Variants in GNL2 observed in about 807,000 individuals in gnomAD.
The protein encoded by GNL2 is nucleolar GTP-binding protein 2.
A neutral mutation model predicts 92.3 loss-of-function variants in GNL2; 51 were observed. The observed-to-expected ratio is 0.55, with a 90% CI of 0.44 to 0.70. The LOEUF (loss-of-function observed/expected upper bound fraction) is 0.70, where lower values mean the gene tolerates loss of function less well. GNL2 is among the 30% of genes least tolerant of loss of function. The pLI, the probability that GNL2 is intolerant of heterozygous loss-of-function variation, is 0.00. For synonymous variants in GNL2, 283 were observed against 300.6 expected, an observed-to-expected ratio of 0.94 and a Z score of 0.61; for missense variants, 844 against 895.6, an observed-to-expected ratio of 0.94 and a Z score of 0.74.
chr1:37,592,656 G>C (rs1440626954), intron 3 of GNL2, 56 bp downstream of exon 3: 1 of 961,152 alleles, frequency 1.0e-6, no homozygotes, highest in Non-Finnish European at 1.7e-6. Flanking sequence ...AAACATCCTA[G>C]CCGTTTCCAC....
chr1:37,568,841 A>G lies in GNL2; in HGVS notation c.1868+10T>C, dbSNP rs1271197062. ...AAAATCTGCAATTTGTGAGAAGATG[A>G]AAATATTACCTGACTGCTGAAAACT... On this transcript the variant is annotated intron_variant, in intron 13 of 15. Transcript: ENST00000373062. The G allele has an allele frequency of 1.9e-6, 3 of 1,600,452 alleles. No homozygotes were observed. The highest frequency in any genetic ancestry group is 4.5e-5 in the East Asian group (2 of 44,782).
At position 37,574,791 on chromosome 1, in the gene GNL2, G is replaced by A. The variant is rs150057475; in HGVS notation, c.1176C>T (p.Asp392=). 309 of 1,613,198 alleles carry A rather than the reference G, an allele frequency of 1.9e-4. No individual in the cohort carries two copies. The highest frequency in any genetic ancestry group is 3.3e-4 in the Admixed American group (20 of 59,990). ...CTCGTTCAAGTACAGCACCAATGTG[G>A]TCTTCAGGACTCTTAATTTTTTCTA... The part of the protein sequence containing the change: ...VQVEKIKSPE[D]HIGAVLERAK... The change falls in exon 11 of 16, where the codon GAC becomes GAT. Residue 392 remains aspartate, a synonymous_variant. Coordinates refer to ENST00000373062, the MANE Select transcript of GNL2 (RefSeq NM_013285.3).
At chr1:37,569,434 A>G in intron 12 of GNL2, 132 bp from the exon 13 acceptor site, 2 of 621,600 alleles carry the variant, frequency 3.2e-6, no homozygotes, top group Non-Finnish European at 5.6e-6. Flanking sequence ...CCCAAATTTG[A>G]GTCATTTCAT....
At chr1:37,578,554 A>C (rs1352793518) in intron 8 of GNL2, among the ~76,000 whole-genome samples, 1 of 151,980 alleles carries the variant, frequency 6.6e-6, no homozygotes, top group Non-Finnish European at 1.5e-5. Flanking sequence ...CAGCTTTTTA[A>C]TGCCTTACTC....
intron 4 of GNL2, 109 bp from the exon 5 acceptor site, chr1:37,587,604 A>G: frequency 1.5e-6 from 1 of 652,710 alleles, no homozygotes; most frequent in Non-Finnish European, 2.6e-6. Context: ...TCCAAGGTTC[A>G]ACCCATACCC....
intron 7 of GNL2, 136 bp downstream of exon 7, chr1:37,582,642 G>T (rs1643788903): frequency 2.6e-6 from 2 of 757,762 alleles, no homozygotes; most frequent in Non-Finnish European, 4.2e-6. Context: ...CTATCAATGA[G>T]CACACTTTCG....
Position 37,592,756 on chromosome 1 carries a change from G to A in GNL2, c.200C>T (p.Ala67Val), listed in dbSNP as rs1214412567. 1.2e-6 allele frequency: 2 copies of A among 1,609,872 alleles called. No individual in the cohort carries two copies. The highest frequency in any genetic ancestry group is 1.7e-5 in the Admixed American group (1 of 60,010). Reference protein sequence around the residue: ...IKPLQYQSTVASGTVARVEPN... With the variant: ...IKPLQYQSTVVSGTVARVEPN... ...CTCTACTCTTGCCACTGTGCCAGAA[G>A]CCACCGTTGATTGATATTGCAGGGG... Residue 67 changes from alanine (A) to valine (V), a missense_variant, in exon 3 of 16, where the codon GCT (alanine) becomes GTT (valine). Physicochemically the swap from Ala to Val is moderately conservative, Grantham distance 64. Transcript: ENST00000373062.
chr1:37,582,680 T>C (rs985826526), intron 7 of GNL2, 98 bp downstream of exon 7: 36 of 1,033,124 alleles, frequency 3.5e-5, no homozygotes, highest in Non-Finnish European at 5.1e-5. Flanking sequence ...CTCCCATTAC[T>C]ACAATCTCAG....
Position 37,575,741 on chromosome 1 carries a change from T to C in GNL2, c.1039-42A>G, listed in dbSNP as rs1045126406. On this transcript the variant is annotated intron_variant, in intron 9 of 15. Transcript: ENST00000373062. This position sits in a 1 kb window ranked among gnomAD's most constrained non-coding sequence, Gnocchi z 4.1. ...GTCAGAGATGTCCTGTATCAAACAC[T>C]AAGAGTCTAATTTCACAAACCCCTG... is the stretch of plus-strand genomic sequence containing the variant. The C allele has an allele frequency of 2.2e-5, 27 of 1,242,918 alleles. No homozygotes were observed. Among genetic ancestry groups the C allele is most frequent in the Non-Finnish European group, 2.9e-5 (25 of 867,550 alleles). The allele number at this position is 1,242,918 out of a possible 1,614,324, so 77.0% of individuals were successfully genotyped here. A position where few individuals can be genotyped will look rare whatever the true frequency, so the allele number is the denominator to read the frequency against.
intron 4 of GNL2, among the ~76,000 whole-genome samples, 198 bp downstream of exon 4, chr1:37,590,508 A>AAACCTGTGCTTTGATCCACTACAC (rs1188013257): frequency 8.5e-5 from 13 of 152,240 alleles, no homozygotes; most frequent in East Asian, 3.8e-4. Flanking sequence ...CTCAACTCCA[A>AAACCTGTGCTTTGATCCACTACAC]AACCTGTGCT....
chr1:37,567,270 C>A (rs1404637602), intron 15 of GNL2, among the ~76,000 whole-genome samples: 2 of 152,190 alleles, frequency 1.3e-5, no homozygotes, highest in Non-Finnish European at 2.9e-5. Flanking sequence ...TCACTCCTGA[C>A]AAGTCCCCTG....
At position 37,574,694 on chromosome 1, in the gene GNL2, G is replaced by A. The variant is rs1024286899; in HGVS notation, c.1273C>T (p.Leu425Phe). ...AGTAACTTCCCAGTCCGGAAAGCGA[G>A]CTTCTCAAGAAAGTCCTCAGCATTC... ...WENAEDFLEK[L>F]AFRTGKLLKG... Residue 425 changes from leucine (L) to phenylalanine (F), a missense_variant, in exon 11 of 16, where the codon CTC becomes TTC. By Grantham distance (22) the Leu-to-Phe change is conservative. Coordinates refer to ENST00000373062, the MANE Select transcript of GNL2 (RefSeq NM_013285.3). 5.0e-6 allele frequency: 8 copies of A among 1,613,794 alleles called. No individual in the cohort carries two copies. The highest frequency in any genetic ancestry group is 5.9e-6 in the Non-Finnish European group (7 of 1,179,946).
In GNL2 at chr1:37,575,468, C is replaced by G; in HGVS notation, c.1143+127G>C. ...AGAGGCTGCTGTTCAGCATCATGTTCCTAAAGTTTGGTCAGACAGGCTGAC... is the reference window on the plus strand; with the variant it reads ...AGAGGCTGCTGTTCAGCATCATGTTGCTAAAGTTTGGTCAGACAGGCTGAC... On this transcript the variant is annotated intron_variant, in intron 10 of 15. Coordinates refer to ENST00000373062, the MANE Select transcript of GNL2 (RefSeq NM_013285.3). This position sits in a 1 kb window ranked among gnomAD's most constrained non-coding sequence, Gnocchi z 4.1. The G allele has an allele frequency of 1.8e-6, 1 of 563,216 alleles. No individual in the cohort carries two copies. Among genetic ancestry groups the G allele is most frequent in the Non-Finnish European group, 3.2e-6 (1 of 314,332 alleles). 34.9% of individuals were successfully genotyped at this position (563,216 alleles called of 1,614,324 possible).
chr1:37,590,966 C>T lies in GNL2; in HGVS notation c.245-121G>A. On this transcript the variant is annotated intron_variant, in intron 3 of 15. Transcript: ENST00000373062. ...TTACCCAAGCACCTGATCCATCCAT[C>T]CCTTGGAGCTGTTTTCAAACTTAAA... is the stretch of plus-strand genomic sequence containing the variant. 1.2e-5 allele frequency: 10 copies of T among 836,098 alleles called. No homozygotes were observed. The South Asian group carries it at 1.8e-4, about 15-fold the overall frequency. 51.8% of individuals were successfully genotyped at this position (836,098 alleles called of 1,614,324 possible). A position where few individuals can be genotyped will look rare whatever the true frequency, so the allele number is the denominator to read the frequency against.
In GNL2 at chr1:37,568,927, T is replaced by TA; in HGVS notation, c.1791dup (p.Lys598Ter). 1 of 1,614,214 alleles carries TA rather than the reference T, an allele frequency of 6.2e-7. No individual in the cohort carries two copies. The highest frequency in any genetic ancestry group is 1.1e-5 in the South Asian group (1 of 91,086). On this transcript the variant is annotated frameshift_variant, in exon 13 of 16. Coordinates refer to ENST00000373062, the MANE Select transcript of GNL2 (RefSeq NM_013285.3). LOFTEE classifies it high-confidence loss of function. ...TTGGCAATCTTCTCATCCAGTGCTT[T>TA]AATAACGGCTTTGGTGTCGTTTCCC...
intron 1 of GNL2, among the ~76,000 whole-genome samples, chr1:37,594,787 C>T (rs1289911778): frequency 3.3e-5 from 5 of 152,178 alleles, no homozygotes; most frequent in African/African-American, 1.2e-4. Flanking sequence ...GTGATCCGAC[C>T]GCCTCGGCCT....
intron 5 of GNL2, among the ~76,000 whole-genome samples, chr1:37,584,211 G>A (rs954997539): frequency 1.3e-5 from 2 of 152,168 alleles, no homozygotes; most frequent in African/African-American, 2.4e-5. Context: ...CACTTTGGGA[G>A]GCCAAGGAGG....
chr1:37,581,567 C>T (rs1443020103), intron 8 of GNL2: 1 of 455,754 alleles, frequency 2.2e-6, no homozygotes, highest in South Asian at 1.5e-5. Flanking sequence ...ATGGAAGCAA[C>T]ACTGGTCACG....
intron 1 of GNL2, 33 bp downstream of exon 1, chr1:37,595,726 A>G (rs1643918897): frequency 1.3e-6 from 2 of 1,598,790 alleles, no homozygotes; most frequent in East Asian, 4.5e-5. Context: ...ACTTCCTCCA[A>G]GCTCCACCCT....
Sources: allele counts gnomAD v4.1 joint callset (sites outside exome capture counted in the v4.1 genomes callset), GRCh38; gene constraint gnomAD v4.1.1; non-coding constraint Gnocchi (gnomAD v3.1); transcripts MANE v1.5; gene names NCBI Gene and HGNC (gene_info 2026-07-23, HGNC 2026-07-21).